Variants in TMED10 observed in about 807,000 individuals in gnomAD.
TMED10 encodes transmembrane emp24 domain-containing protein 10.
In TMED10, 7 loss-of-function variants were observed where a neutral mutation model predicts 23.1. The observed-to-expected ratio is 0.30, with a 90% CI of 0.17 to 0.57. The LOEUF is 0.57. Ranked by LOEUF, TMED10 falls within the 20% of genes least tolerant of loss-of-function variation. TMED10 has a pLI of 0.91. For synonymous variants in TMED10, 113 were observed against 106.9 expected (o/e 1.06, Z -0.35); for missense variants, 162 against 274.8 (o/e 0.59, Z 2.90).
chr14:75,158,003 C>T (rs750040494), intron 1 of TMED10, among the ~76,000 whole-genome samples: 1 of 151,828 alleles, frequency 6.6e-6, no homozygotes, highest in Non-Finnish European at 1.5e-5. Flanking sequence ...TGTCCAAAAC[C>T]CACTCTCTTT....
At chr14:75,135,986 T>A in intron 3 of TMED10, 100 bp from the exon 4 acceptor site, 2 of 1,492,702 alleles carry the variant, frequency 1.3e-6, no homozygotes, top group Non-Finnish European at 1.8e-6. Context: ...TTCACCAGAT[T>A]TAAATTCTCT....
chr14:75,166,143 C>CGT lies in TMED10; in HGVS notation c.225+10210_225+10211dup, dbSNP rs577872592. ...AGTTATTTACGGTAAAAACCTCCAG[C>CGT]GTGACCCTTTCATTATGAGCACAAA... On this transcript the variant is annotated intron_variant, in intron 1 of 4. Transcript: ENST00000303575. 1.9e-3 allele frequency among the ~76,000 whole-genome samples: 286 copies of CGT among 152,254 alleles called. 1 individual carries two copies. Among genetic ancestry groups the CGT allele is most frequent in the Non-Finnish European group, 2.2e-3 (153 of 68,032 alleles).
In TMED10 at chr14:75,151,837, CT is replaced by C. The variant is rs1410605921; in HGVS notation, c.337+194del. ...ATTTTTACTGCCCTAAAAATTCTCT[CT>C]GTTCCACCTATTCAATCTTTTATTC... On this transcript the variant is annotated intron_variant, in intron 2 of 4. Coordinates refer to ENST00000303575, the MANE Select transcript of TMED10 (RefSeq NM_006827.6). Among the ~76,000 whole-genome samples, 6 of 152,338 alleles carry C rather than the reference CT, an allele frequency of 3.9e-5. No homozygotes were observed. The East Asian group carries it at 1.2e-3, about 29-fold the overall frequency.
intron 4 of TMED10, 63 bp downstream of exon 4, chr14:75,135,697 G>T: frequency 1.3e-6 from 2 of 1,585,048 alleles, no homozygotes; most frequent in Non-Finnish European, 1.7e-6. Flanking sequence ...CACCAGAATT[G>T]AAAGTTTGGA....
chr14:75,142,374 C>CT (rs1391569555), intron 3 of TMED10, among the ~76,000 whole-genome samples: 36 of 152,292 alleles, frequency 2.4e-4, no homozygotes, highest in Admixed American at 2.2e-3. Context: ...ACCATGGTCT[C>CT]TTAACTCCCT....
intron 1 of TMED10, among the ~76,000 whole-genome samples, chr14:75,170,011 A>T (rs940087028): frequency 1.3e-5 from 2 of 151,538 alleles, no homozygotes; most frequent in African/African-American, 2.4e-5. Flanking sequence ...GCGGATCATG[A>T]GGTCAGGGGA....
chr14:75,138,430 G>T, intron 3 of TMED10, among the ~76,000 whole-genome samples: 1 of 152,206 alleles, frequency 6.6e-6, no homozygotes, highest in African/African-American at 2.4e-5. Flanking sequence ...TTAACCAATA[G>T]TTAATGCACA....
intron 3 of TMED10, among the ~76,000 whole-genome samples, chr14:75,138,568 A>G (rs1895781327): frequency 6.6e-6 from 1 of 152,232 alleles, no homozygotes; most frequent in Non-Finnish European, 1.5e-5. Context: ...TACAGGAGCT[A>G]TACAAGCTGA....
chr14:75,158,293 TC>T (rs1255978001), intron 1 of TMED10, among the ~76,000 whole-genome samples: 1 of 152,196 alleles, frequency 6.6e-6, no homozygotes, highest in African/African-American at 2.4e-5. Context: ...TTTTTCTGAA[TC>T]ATAAACTGAA....
chr14:75,153,809 C>A (rs1195081547), intron 1 of TMED10, among the ~76,000 whole-genome samples: 2 of 127,872 alleles, frequency 1.6e-5, no homozygotes, highest in Non-Finnish European at 3.2e-5. Context: ...CTCACTCTGT[C>A]CCCAGGCTGG....
intron 1 of TMED10, among the ~76,000 whole-genome samples, chr14:75,160,889 A>G (rs2139851429): frequency 6.6e-6 from 1 of 152,192 alleles, no homozygotes; most frequent in Non-Finnish European, 1.5e-5. Flanking sequence ...TGCTAAAAAT[A>G]AAAAATTAGC....
intron 1 of TMED10, among the ~76,000 whole-genome samples, chr14:75,173,960 A>G (rs1448956462): frequency 6.6e-6 from 1 of 152,074 alleles, no homozygotes; most frequent in African/African-American, 2.4e-5. Flanking sequence ...TGAACTCCTG[A>G]CCTCAGGTGA....
intron 2 of TMED10, among the ~76,000 whole-genome samples, chr14:75,150,499 C>T (rs752862710): frequency 2.0e-5 from 3 of 152,224 alleles, no homozygotes; most frequent in Non-Finnish European, 2.9e-5. Context: ...CAGTCGAGGA[C>T]AGACTGCATA....
chr14:75,158,146 A>G (rs1896043627), intron 1 of TMED10, among the ~76,000 whole-genome samples: 1 of 152,144 alleles, frequency 6.6e-6, no homozygotes, highest in Admixed American at 6.5e-5. Flanking sequence ...TTAACACAGC[A>G]CTGATCAGTC....
At chr14:75,149,484 C>T (rs933753686) in intron 2 of TMED10, among the ~76,000 whole-genome samples, 3 of 152,186 alleles carry the variant, frequency 2.0e-5, no homozygotes, top group African/African-American at 4.8e-5. Context: ...ACCCACTCTG[C>T]GATGTTCTGT....
intron 3 of TMED10, among the ~76,000 whole-genome samples, chr14:75,144,994 C>A (rs895398897): frequency 2.0e-5 from 3 of 152,198 alleles, no homozygotes; most frequent in African/African-American, 7.2e-5. Context: ...TTCAAGGCAG[C>A]CTTGCTGCAG....
intron 1 of TMED10, among the ~76,000 whole-genome samples, chr14:75,152,858 G>A (rs1339723391): frequency 1.3e-5 from 2 of 152,112 alleles, no homozygotes; most frequent in Non-Finnish European, 2.9e-5. Context: ...GGTGGCTCAC[G>A]CCTGTAATCC....
intron 1 of TMED10, among the ~76,000 whole-genome samples, chr14:75,153,933 C>T (rs1271290284): frequency 4.0e-5 from 6 of 151,450 alleles, no homozygotes; most frequent in Non-Finnish European, 8.8e-5. Context: ...CCATGCCCAG[C>T]TAATTTTTTT....
chr14:75,152,216 TAGAG>T lies in TMED10; in HGVS notation c.226-77_226-74del, dbSNP rs1005647718. Reference sequence around the variant, plus strand: ...AGAGAACTTACAGAAACTGGGAAGATAGAGACACTATCTATGAAAGACAATTGAT... The same window carrying T: ...AGAGAACTTACAGAAACTGGGAAGATACACTATCTATGAAAGACAATTGAT... On this transcript the variant is annotated intron_variant, in intron 1 of 4. Coordinates refer to ENST00000303575, the MANE Select transcript of TMED10 (RefSeq NM_006827.6). The T allele has an allele frequency of 5.8e-5, 68 of 1,180,316 alleles. No individual in the cohort carries two copies. In the African/African-American group the frequency reaches 7.7e-4, roughly 13 times the overall value. 73.1% of individuals were successfully genotyped at this position (1,180,316 alleles called of 1,614,324 possible).
Sources: allele counts gnomAD v4.1 joint callset (sites outside exome capture counted in the v4.1 genomes callset), GRCh38; gene constraint gnomAD v4.1.1; transcripts MANE v1.5; gene names NCBI Gene and HGNC (gene_info 2026-07-23, HGNC 2026-07-21).